B4GALNT3: variants seen among roughly 807,000 people sequenced by gnomAD.
B4GALNT3 encodes the protein beta-1,4-N-acetyl-galactosaminyltransferase 3.
Under a neutral mutation model 120.2 loss-of-function variants are expected in B4GALNT3, and 86 were observed. That is an observed-to-expected ratio of 0.72 (90% CI 0.60 to 0.86). B4GALNT3 has a LOEUF of 0.86. B4GALNT3 is among the 40% of genes least tolerant of loss of function. The pLI, the probability that B4GALNT3 is intolerant of heterozygous loss-of-function variation, is 0.00. For missense variants in B4GALNT3, 1,167 were observed against 1,298.9 expected, an observed-to-expected ratio of 0.90 and a Z score of 1.56; for synonymous variants, 518 against 510.4, an observed-to-expected ratio of 1.01 and a Z score of -0.20.
chr12:550,332 C>T lies in B4GALNT3; in HGVS notation c.997+420C>T, dbSNP rs1055526086. Among the ~76,000 whole-genome samples, 4 of 152,100 alleles carry T rather than the reference C, an allele frequency of 2.6e-5. No homozygotes were observed. Among genetic ancestry groups the T allele is most frequent in the East Asian group, 1.9e-4 (1 of 5,184 alleles). On this transcript the variant is annotated intron_variant, in intron 10 of 19. Transcript: ENST00000266383. This position sits in a 1 kb window ranked among gnomAD's most constrained non-coding sequence, Gnocchi z 4.1. ...TTGGGAGTGTTTACATTTTAAAAGACGGCCAAGATGGCCAGGCATGGTGGC... is the reference window on the plus strand; with the variant it reads ...TTGGGAGTGTTTACATTTTAAAAGATGGCCAAGATGGCCAGGCATGGTGGC...
chr12:512,225 TCTTCCAC>T (rs1333176650), intron 1 of B4GALNT3, among the ~76,000 whole-genome samples: 20 of 52,222 alleles, frequency 3.8e-4, no homozygotes, highest in East Asian at 5.7e-4. Context: ...CCTTCCACCT[TCTTCCAC>T]CTTCCACCTT....
In B4GALNT3 at chr12:460,592, C is replaced by T; in HGVS notation, c.169+47C>T. ...CGAAGGGCGCGGGGGTGGGCGGCGG[C>T]GGCGGCTCCTGCGTTGGGGGGACCC... On this transcript the variant is annotated intron_variant, in intron 1 of 19. Coordinates refer to ENST00000266383, the MANE Select transcript of B4GALNT3 (RefSeq NM_173593.4). The surrounding 1 kb of genome is among the most constrained non-coding windows in gnomAD (Gnocchi z 8.0). The T allele has an allele frequency of 1.5e-6, 2 of 1,315,996 alleles. No homozygotes were observed. The highest frequency in any genetic ancestry group is 2.0e-6 in the Non-Finnish European group (2 of 1,022,496). 81.5% of individuals were successfully genotyped at this position (1,315,996 alleles called of 1,614,324 possible).
chr12:511,013 CTTTTTTTTTTTTTTTTTTT>C (rs762032000), intron 1 of B4GALNT3, among the ~76,000 whole-genome samples: 154 of 43,882 alleles, frequency 3.5e-3, no homozygotes, highest in African/African-American at 9.4e-3. Context: ...TTTGCCTATT[CTTTTTTTTTTTTTTTTTTT>C]TTTTTTTTTT....
intron 1 of B4GALNT3, among the ~76,000 whole-genome samples, chr12:501,110 G>T (rs1946438697): frequency 6.6e-6 from 1 of 151,842 alleles, no homozygotes; most frequent in Admixed American, 6.6e-5. Flanking sequence ...CCCAACCTCA[G>T]GTGATCCACC....
At chr12:549,261 A>C (rs1037164866) in intron 9 of B4GALNT3, among the ~76,000 whole-genome samples, 2 of 152,114 alleles carry the variant, frequency 1.3e-5, no homozygotes, top group Non-Finnish European at 2.9e-5. Context: ...CCTGGCTTCA[A>C]ACTCAGCTTG....
intron 1 of B4GALNT3, among the ~76,000 whole-genome samples, chr12:495,993 A>T (rs1322564882): frequency 1.3e-5 from 2 of 152,188 alleles, no homozygotes; most frequent in Non-Finnish European, 2.9e-5. Flanking sequence ...GATTCACATC[A>T]TTCTCCTCCC....
intron 1 of B4GALNT3, among the ~76,000 whole-genome samples, chr12:507,411 G>A (rs1004988669): frequency 2.6e-5 from 4 of 152,232 alleles, no homozygotes; most frequent in African/African-American, 9.6e-5. Flanking sequence ...CCGTCTGGAA[G>A]TGTCACTGGG....
intron 1 of B4GALNT3, among the ~76,000 whole-genome samples, chr12:466,450 A>G (rs2120416935): frequency 6.6e-6 from 1 of 152,348 alleles, no homozygotes; most frequent in South Asian, 2.1e-4. Flanking sequence ...TTTTCGTTAT[A>G]TGTAAAGATT....
At position 523,745 on chromosome 12, in the gene B4GALNT3, A is replaced by G. The variant is rs1263022945; in HGVS notation, c.170-11421A>G. Among the ~76,000 whole-genome samples the G allele has an allele frequency of 4.6e-5, 7 of 152,198 alleles. No homozygotes were observed. In the South Asian group the frequency reaches 1.5e-3, roughly 32 times the overall value. On this transcript the variant is annotated intron_variant, in intron 1 of 19. Coordinates refer to ENST00000266383, the MANE Select transcript of B4GALNT3 (RefSeq NM_173593.4). ...GGGATAAAAATAAGAATAAACTAAG[A>G]ATGTGAATCAACTCCGATAGAAAAC... is the stretch of plus-strand genomic sequence containing the variant.
At chr12:560,746 G>T (rs1021734672) in intron 19 of B4GALNT3, among the ~76,000 whole-genome samples, 2 of 152,196 alleles carry the variant, frequency 1.3e-5, no homozygotes, top group East Asian at 1.9e-4. Flanking sequence ...CACGGCTCCT[G>T]TACAGCCCTG....
intron 1 of B4GALNT3, among the ~76,000 whole-genome samples, chr12:504,040 C>T (rs548734778): frequency 7.9e-5 from 12 of 151,446 alleles, no homozygotes; most frequent in South Asian, 2.1e-4. Context: ...ACTTGAACCT[C>T]GGAGACAGAG....
chr12:558,706 C>T (rs1307787378), intron 18 of B4GALNT3, 45 bp downstream of exon 18: 2 of 1,596,260 alleles, frequency 1.3e-6, no homozygotes, highest in Non-Finnish European at 1.7e-6. Flanking sequence ...CTTCTCTGAT[C>T]TTGGCTCTTA....
At chr12:512,613 ACCTTCCG>A (rs1565598870) in intron 1 of B4GALNT3, among the ~76,000 whole-genome samples, 120 of 71,178 alleles carry the variant, frequency 1.7e-3, no homozygotes, top group Non-Finnish European at 2.2e-3. Flanking sequence ...TCCACCTTCC[ACCTTCCG>A]CCTTCCACCT....
rs148665138 is a variant in B4GALNT3, at chr12:553,431, C to A, written c.1508C>A (p.Thr503Asn). The change falls in exon 14 of 20, where the codon ACC becomes AAC. Residue 503 changes from threonine (T) to asparagine (N), a missense_variant. Physicochemically the swap from Thr to Asn is moderately conservative, Grantham distance 65. Transcript: ENST00000266383. Reference protein sequence around the residue: ...RNSTASFPGRTSHIPVQQPEK... With the variant: ...RNSTASFPGRNSHIPVQQPEK... ...TCCACAGCGTCCTTCCCAGGGAGGA[C>A]CAGCCACATTCCAGTGCAGCAGCCA... 5.6e-6 allele frequency: 9 copies of A among 1,613,958 alleles called. No homozygotes were observed. The highest frequency in any genetic ancestry group is 2.2e-5 in the East Asian group (1 of 44,896).
chr12:511,645 T>TCTTTCCACCTTCCAC (rs1946564178), intron 1 of B4GALNT3, among the ~76,000 whole-genome samples: 1 of 18,572 alleles, frequency 5.4e-5, no homozygotes, highest in Non-Finnish European at 1.2e-4. Flanking sequence ...CCTTCCACCT[T>TCTTTCCACCTTCCAC]CTTCCACCTT....
intron 1 of B4GALNT3, among the ~76,000 whole-genome samples, chr12:488,078 T>TATG (rs1946307552): frequency 6.6e-6 from 1 of 151,720 alleles, no homozygotes; most frequent in Middle Eastern, 3.2e-3. Context: ...GTGACTCACG[T>TATG]ATGTAATCCT....
chr12:527,084 T>A (rs963219817), intron 1 of B4GALNT3, among the ~76,000 whole-genome samples: 2 of 152,004 alleles, frequency 1.3e-5, no homozygotes, highest in Non-Finnish European at 2.9e-5. Context: ...GCTAGTTTTT[T>A]GTTTTGTTTT....
chr12:483,126 T>A (rs1946257744), intron 1 of B4GALNT3, among the ~76,000 whole-genome samples: 1 of 152,034 alleles, frequency 6.6e-6, no homozygotes, highest in Admixed American at 6.6e-5. Flanking sequence ...CCCAGGCTGG[T>A]CTTGAACTCC....
In B4GALNT3 at chr12:460,787, G is replaced by A. The variant is rs1946014122; in HGVS notation, c.169+242G>A. The stretch of plus-strand genomic sequence containing the variant: ...GGCCACGTGGGTCCGGGGCACCCTG[G>A]GGGCTCCTCGCGTCTCCCCTCGGAG... On this transcript the variant is annotated intron_variant, in intron 1 of 19. Coordinates refer to ENST00000266383, the MANE Select transcript of B4GALNT3 (RefSeq NM_173593.4). The surrounding 1 kb of genome is among the most constrained non-coding windows in gnomAD (Gnocchi z 8.0). Among the ~76,000 whole-genome samples the A allele has an allele frequency of 6.6e-6, 1 of 152,064 alleles. No homozygotes were observed.
Sources: gnomAD v4.1 joint callset for allele counts (sites outside exome capture counted in the v4.1 genomes callset) on GRCh38, gnomAD v4.1.1 for gene constraint, Gnocchi (gnomAD v3.1) non-coding constraint, MANE v1.5 for transcripts, NCBI Gene and HGNC (gene_info 2026-07-23, HGNC 2026-07-21) for gene names.